Variants in GALNTL6 observed in about 807,000 individuals in gnomAD.
The protein encoded by GALNTL6 is polypeptide N-acetylgalactosaminyltransferase-like 6.
In GALNTL6, 46 loss-of-function variants were observed where a neutral mutation model predicts 73.7. The ratio of observed to expected loss-of-function variants is 0.62; its 90% CI spans 0.49 to 0.80. The LOEUF (loss-of-function observed/expected upper bound fraction) is 0.80. GALNTL6 is among the 30% of genes least tolerant of loss of function. GALNTL6 has a pLI of 0.00. For synonymous variants in GALNTL6, 259 were observed against 263.7 expected, an observed-to-expected ratio of 0.98 and a Z score of 0.17; for missense variants, 604 against 755.0, an observed-to-expected ratio of 0.80 and a Z score of 2.34.
intron 2 of GALNTL6, among the ~76,000 whole-genome samples, chr4:171,989,188 A>G (rs539926192): frequency 8.0e-4 from 121 of 152,152 alleles, no homozygotes; most frequent in African/African-American, 2.6e-3. Context: ...TAGCCTCCGT[A>G]TTGATTAAGA....
At chr4:172,821,055 T>C (rs1196977770) in intron 7 of GALNTL6, among the ~76,000 whole-genome samples, 1 of 152,232 alleles carries the variant, frequency 6.6e-6, no homozygotes, top group Non-Finnish European at 1.5e-5. Flanking sequence ...AAAGAATCTA[T>C]TTCATGAAAC....
Position 171,932,326 on chromosome 4 carries a change from G to A in GALNTL6, c.138+117608G>A, listed in dbSNP as rs528178953. ...CAAATGAAGTTACAATACATAACCT[G>A]GTACGTGCCTTTTTTTCCGTAGTCA... On this transcript the variant is annotated intron_variant, in intron 2 of 12. Transcript: ENST00000506823. Among the ~76,000 whole-genome samples the A allele has an allele frequency of 2.9e-4, 44 of 152,260 alleles. No individual in the cohort carries two copies. In the South Asian group the frequency reaches 4.1e-3, roughly 14 times the overall value.
chr4:172,103,933 T>TG (rs145481647), intron 2 of GALNTL6, among the ~76,000 whole-genome samples: 10 of 137,646 alleles, frequency 7.3e-5, no homozygotes, highest in Non-Finnish European at 1.1e-4. Context: ...TTTTTGTTTT[T>TG]TTCTTTTCTT....
At chr4:172,468,987 T>C (rs1440779733) in intron 5 of GALNTL6, among the ~76,000 whole-genome samples, 2 of 152,276 alleles carry the variant, frequency 1.3e-5, no homozygotes, top group Non-Finnish European at 2.9e-5. Flanking sequence ...TTACTATTTT[T>C]ATGAGACTTA....
chr4:172,512,941 T>A (rs1466920115), intron 5 of GALNTL6, among the ~76,000 whole-genome samples: 1 of 152,174 alleles, frequency 6.6e-6, no homozygotes, highest in Admixed American at 6.5e-5. Context: ...TTGGTTATCT[T>A]TTTGCAATGA....
intron 5 of GALNTL6, among the ~76,000 whole-genome samples, chr4:172,718,781 G>T (rs1184310267): frequency 1.3e-5 from 2 of 152,078 alleles, no homozygotes; most frequent in African/African-American, 4.8e-5. Context: ...CAGGATTTAG[G>T]AGTCAGTTTA....
intron 5 of GALNTL6, among the ~76,000 whole-genome samples, chr4:172,585,089 C>T (rs376199521): frequency 1.3e-4 from 18 of 142,268 alleles, no homozygotes; most frequent in Non-Finnish European, 1.7e-4. Flanking sequence ...TTGACCAATA[C>T]GGAAATATTT....
At chr4:171,821,584 G>A (rs573827807) in intron 2 of GALNTL6, among the ~76,000 whole-genome samples, 2 of 151,352 alleles carry the variant, frequency 1.3e-5, no homozygotes, top group South Asian at 4.2e-4. Context: ...TTTTTGTAGT[G>A]TTATAATGAG....
rs186493617 is a variant in GALNTL6 at position 172,522,385 on chromosome 4, T to A, written c.553+173696T>A. On this transcript the variant is annotated intron_variant, in intron 5 of 12. Transcript: ENST00000506823. ...CTGGTTACCAGCGATAAAAAGTGTATTTTAGGCCGGGCTTGTGGCTTACAC... is the reference window on the plus strand; with the variant it reads ...CTGGTTACCAGCGATAAAAAGTGTAATTTAGGCCGGGCTTGTGGCTTACAC... Among the ~76,000 whole-genome samples the A allele has an allele frequency of 8.3e-4, 126 of 152,228 alleles. 3 individuals are homozygous for A. The South Asian group carries it at 0.018, about 21-fold the overall frequency.
intron 12 of GALNTL6, among the ~76,000 whole-genome samples, chr4:173,037,549 T>A (rs1273149512): frequency 6.6e-6 from 1 of 152,208 alleles, no homozygotes; most frequent in East Asian, 1.9e-4. Context: ...TATGATCAGT[T>A]GATGGTTCAG....
chr4:172,406,605 A>G (rs897056118), intron 5 of GALNTL6, among the ~76,000 whole-genome samples: 2 of 152,024 alleles, frequency 1.3e-5, no homozygotes, highest in African/African-American at 4.8e-5. Flanking sequence ...ACCTAACCAT[A>G]AAACAACTTA....
intron 2 of GALNTL6, among the ~76,000 whole-genome samples, chr4:172,159,700 G>A (rs543901953): frequency 2.0e-5 from 3 of 152,302 alleles, no homozygotes; most frequent in South Asian, 2.1e-4. Flanking sequence ...TCCAGATCAT[G>A]TAGTATGTGT....
chr4:172,418,727 CA>C (rs942109120), intron 5 of GALNTL6, among the ~76,000 whole-genome samples: 1 of 152,122 alleles, frequency 6.6e-6, no homozygotes, highest in Admixed American at 6.6e-5. Context: ...TGCATGTTTT[CA>C]TTATACTCCG....
At chr4:172,065,994 T>A (rs1342186385) in intron 2 of GALNTL6, among the ~76,000 whole-genome samples, 1 of 152,156 alleles carries the variant, frequency 6.6e-6, no homozygotes, top group Non-Finnish European at 1.5e-5. Flanking sequence ...AGGTGAGATT[T>A]GGGTGGGGAC....
chr4:172,723,281 G>T (rs1049130188), intron 5 of GALNTL6, among the ~76,000 whole-genome samples: 1 of 152,070 alleles, frequency 6.6e-6, no homozygotes, highest in African/African-American at 2.4e-5. Context: ...ATCTTTTGGG[G>T]GGCCAATATT....
chr4:172,145,386 C>T (rs563136193), intron 2 of GALNTL6, among the ~76,000 whole-genome samples: 13 of 152,138 alleles, frequency 8.5e-5, no homozygotes, highest in East Asian at 3.9e-4. Context: ...GTGATCCGCC[C>T]GCCTTGGCCT....
At chr4:172,591,834 GT>G (rs1206979121) in intron 5 of GALNTL6, among the ~76,000 whole-genome samples, 1 of 152,144 alleles carries the variant, frequency 6.6e-6, no homozygotes, top group Non-Finnish European at 1.5e-5. Flanking sequence ...TTGAGAAGTA[GT>G]TATATGGGTT....
intron 2 of GALNTL6, among the ~76,000 whole-genome samples, chr4:171,928,404 T>C (rs1336732223): frequency 6.6e-6 from 1 of 152,208 alleles, no homozygotes; most frequent in Admixed American, 6.5e-5. Flanking sequence ...CTCCAGTGCC[T>C]GGAGGCTAGA....
chr4:172,243,052 G>A (rs1351923463), intron 3 of GALNTL6, among the ~76,000 whole-genome samples: 2 of 151,290 alleles, frequency 1.3e-5, no homozygotes, highest in Non-Finnish European at 3.0e-5. Context: ...TACCCATAAG[G>A]CCCAACATGA....
Sources: allele counts gnomAD v4.1 joint callset (sites outside exome capture counted in the v4.1 genomes callset), GRCh38; gene constraint gnomAD v4.1.1; transcripts MANE v1.5; gene names NCBI Gene and HGNC (gene_info 2026-07-23, HGNC 2026-07-21).